Variants in FAM222B observed in about 807,000 individuals in gnomAD.
FAM222B encodes the protein family with sequence similarity 222 member B.
A neutral mutation model predicts 38.0 loss-of-function variants in FAM222B; 12 were observed. That is an observed-to-expected ratio of 0.32 (90% CI 0.20 to 0.51). The LOEUF (loss-of-function observed/expected upper bound fraction) is 0.51, where lower values mean the gene tolerates loss of function less well. Ranked by LOEUF, FAM222B falls within the 20% of genes least tolerant of loss-of-function variation. The pLI, the probability that FAM222B is intolerant of heterozygous loss-of-function variation, is 0.97. For missense variants in FAM222B, 716 were observed against 754.2 expected (o/e 0.95, Z 0.59); for synonymous variants, 329 against 317.2 (o/e 1.04, Z -0.40).
At chr17:28,821,675 C>T (rs993252418) in intron 1 of FAM222B, among the ~76,000 whole-genome samples, 3 of 151,972 alleles carry the variant, frequency 2.0e-5, no homozygotes, top group Admixed American at 1.3e-4. Context: ...AATAATCGTA[C>T]AGGGCCGGGT....
intron 1 of FAM222B, among the ~76,000 whole-genome samples, chr17:28,784,587 C>A (rs975573125): frequency 6.7e-6 from 1 of 148,404 alleles, no homozygotes; most frequent in African/African-American, 2.5e-5. Context: ...GCCTGTAATC[C>A]CAGCACTCTG....
intron 1 of FAM222B, among the ~76,000 whole-genome samples, chr17:28,829,016 C>T (rs2038550506): frequency 6.6e-6 from 1 of 151,972 alleles, no homozygotes; most frequent in Non-Finnish European, 1.5e-5. Context: ...AGCGACTGTC[C>T]TGCCTCAGCG....
At chr17:28,847,000 G>T (rs1009765345), upstream of FAM222B, among the ~76,000 whole-genome samples, 4 of 152,082 alleles carry the variant, frequency 2.6e-5, no homozygotes, top group Non-Finnish European at 5.9e-5. Context: ...TAGGTGGGTA[G>T]ATCACCTAAG....
At chr17:28,775,161 C>T (rs964945800) in intron 1 of FAM222B, among the ~76,000 whole-genome samples, 4 of 151,144 alleles carry the variant, frequency 2.6e-5, no homozygotes, top group Middle Eastern at 3.2e-3. Context: ...CCACCATGCC[C>T]GACTAATTTT....
intron 1 of FAM222B, among the ~76,000 whole-genome samples, chr17:28,850,344 C>A (rs1297205228): frequency 6.6e-6 from 1 of 151,772 alleles, no homozygotes; most frequent in Non-Finnish European, 1.5e-5. Flanking sequence ...CTCTGTCGCC[C>A]GGGCTGGAGT....
At chr17:28,766,981 G>A (rs753380900) in intron 1 of FAM222B, 3 of 314,004 alleles carry the variant, frequency 9.6e-6, no homozygotes, top group Admixed American at 9.1e-5. Flanking sequence ...GGAAAGTACA[G>A]GTGCATTTAT....
At chr17:28,770,857 C>G (rs2035595201) in intron 1 of FAM222B, among the ~76,000 whole-genome samples, 1 of 151,994 alleles carries the variant, frequency 6.6e-6, no homozygotes, top group Non-Finnish European at 1.5e-5. Flanking sequence ...GCGTGAACCA[C>G]AGTGTTGGGC....
intron 1 of FAM222B, among the ~76,000 whole-genome samples, chr17:28,829,341 T>C (rs1225307071): frequency 2.0e-5 from 3 of 151,988 alleles, no homozygotes; most frequent in Non-Finnish European, 4.4e-5. Flanking sequence ...CCAGCTAATT[T>C]TGTATTTTTA....
intron 1 of FAM222B, among the ~76,000 whole-genome samples, chr17:28,771,957 T>C (rs1173744925): frequency 6.6e-6 from 1 of 152,118 alleles, no homozygotes; most frequent in African/African-American, 2.4e-5. Flanking sequence ...CTCAGGAGTC[T>C]GAGGCAGGAG....
At chr17:28,811,779 G>C (rs1276352971) in intron 1 of FAM222B, among the ~76,000 whole-genome samples, 1 of 152,152 alleles carries the variant, frequency 6.6e-6, no homozygotes, top group Non-Finnish European at 1.5e-5. Flanking sequence ...CTTTCCACTA[G>C]CACCTCCTCT....
intron 2 of FAM222B, among the ~76,000 whole-genome samples, chr17:28,763,365 G>C (rs990557812): frequency 6.6e-6 from 1 of 152,234 alleles, no homozygotes; most frequent in African/African-American, 2.4e-5. Context: ...ATGTGGCTGA[G>C]TCTGACCACA....
At position 28,759,758 on chromosome 17, in the gene FAM222B, C is replaced by T. The variant is rs2034978989; in HGVS notation, c.201G>A (p.Lys67=). 1 of 1,613,564 alleles carries T rather than the reference C, an allele frequency of 6.2e-7. No individual in the cohort carries two copies. Among genetic ancestry groups the T allele is most frequent in the African/African-American group, 1.3e-5 (1 of 74,912 alleles). Residue 67 remains lysine, a synonymous_variant, in exon 3 of 3, where the codon AAG becomes AAA. Coordinates refer to ENST00000581407, the MANE Select transcript of FAM222B (RefSeq NM_001077498.3). The surrounding 1 kb of genome is among the most constrained non-coding windows in gnomAD (Gnocchi z 4.8). ...GACGAACGTGTTTCCGCTGGGGAAC[C>T]TTCACACTGTTGGGGAAGATTTTTA... The part of the protein sequence containing the change: ...LTIKIFPNSV[K]VPQRKHVRRT...
upstream of FAM222B, among the ~76,000 whole-genome samples, chr17:28,844,527 G>A (rs1451346661): frequency 6.6e-6 from 1 of 151,990 alleles, no homozygotes; most frequent in Non-Finnish European, 1.5e-5. Flanking sequence ...GCGTGGTGGC[G>A]GGCGCCTGTA....
chr17:28,784,826 T>C (rs1000551613), intron 1 of FAM222B, among the ~76,000 whole-genome samples: 3 of 152,076 alleles, frequency 2.0e-5, no homozygotes, highest in South Asian at 2.1e-4. Flanking sequence ...ACACGGCTCA[T>C]TGAAGCCTCA....
intron 1 of FAM222B, among the ~76,000 whole-genome samples, chr17:28,780,132 C>T (rs1019107038): frequency 4.6e-5 from 7 of 152,016 alleles, no homozygotes; most frequent in Non-Finnish European, 5.9e-5. Flanking sequence ...CCACCATGTC[C>T]GGCTAATTTT....
Position 28,759,907 on chromosome 17 carries a change from G to C in FAM222B, c.83-31C>G. Reference sequence around the variant, plus strand: ...GAGAGAGAATGGGAAGGAGAGCAAAGAGGGAGAGGGAGCTCATCAGTGCCA... The same window carrying C: ...GAGAGAGAATGGGAAGGAGAGCAAACAGGGAGAGGGAGCTCATCAGTGCCA... On this transcript the variant is annotated intron_variant, in intron 2 of 2. Transcript: ENST00000581407. The surrounding 1 kb of genome is among the most constrained non-coding windows in gnomAD (Gnocchi z 4.8). 1 of 1,493,170 alleles carries C rather than the reference G, an allele frequency of 6.7e-7. No homozygotes were observed. Among genetic ancestry groups the C allele is most frequent in the Non-Finnish European group, 9.0e-7 (1 of 1,115,276 alleles). The allele number at this position is 1,493,170 out of a possible 1,614,324, so 92.5% of individuals were successfully genotyped here. A position where few individuals can be genotyped will look rare whatever the true frequency, so the allele number is the denominator to read the frequency against.
chr17:28,770,571 A>ATT lies in FAM222B; in HGVS notation c.-40-3866_-40-3865dup, dbSNP rs777229068. On this transcript the variant is annotated intron_variant, in intron 1 of 2. Transcript: ENST00000581407. ...GTATGCACCACCATGCCCAGCTAAT[A>ATT]TTTTTTTTTTTTTTTTTGAGACAGA... Among the ~76,000 whole-genome samples the ATT allele has an allele frequency of 2.8e-3, 261 of 92,038 alleles. 2 individuals carry two copies. The highest frequency in any genetic ancestry group is 0.014 in the Middle Eastern group (2 of 140). 60.4% of individuals were successfully genotyped at this position (92,038 alleles called of 152,430 possible).
rs1386101319 is a variant in FAM222B at position 28,756,007 on chromosome 17, A to G, written c.*2263T>C. ...GGTTTTCTTATTTTTACTGGTTTAT[A>G]ATAATCTTAAAAACCCCATCACACC... On this transcript the variant is annotated 3_prime_UTR_variant, in exon 3 of 3. Transcript: ENST00000581407. 1 of 152,586 alleles carries G rather than the reference A, an allele frequency of 6.6e-6. No individual in the cohort carries two copies. The highest frequency in any genetic ancestry group is 1.5e-5 in the Non-Finnish European group (1 of 68,034). The allele number at this position is 152,586 out of a possible 1,614,324, so 9.5% of individuals were successfully genotyped here.
At chr17:28,839,901 C>T (rs1006055721) in intron 1 of FAM222B, among the ~76,000 whole-genome samples, 3 of 151,388 alleles carry the variant, frequency 2.0e-5, no homozygotes, top group African/African-American at 7.3e-5. Context: ...CCTGTAAATT[C>T]ACTCCCCTTA....
Sources: allele counts gnomAD v4.1 joint callset (sites outside exome capture counted in the v4.1 genomes callset), GRCh38; gene constraint gnomAD v4.1.1; non-coding constraint Gnocchi (gnomAD v3.1); transcripts MANE v1.5; gene names NCBI Gene and HGNC (gene_info 2026-07-23, HGNC 2026-07-21).